The following HSP90AA1 variants were observed in gnomAD, a reference collection of about 807,000 sequenced individuals.
The protein encoded by HSP90AA1 is heat shock protein HSP 90-alpha.
HSP90AA1 carries 18 observed loss-of-function variants against 73.3 expected under a neutral mutation model. The ratio of observed to expected loss-of-function variants is 0.25; its 90% CI spans 0.17 to 0.36. The LOEUF (loss-of-function observed/expected upper bound fraction) is 0.36, where lower values mean the gene tolerates loss of function less well. Ranked by LOEUF, HSP90AA1 falls within the 10% of genes least tolerant of loss-of-function variation. HSP90AA1 has a pLI of 1.00. For synonymous variants in HSP90AA1, 477 were observed against 296.9 expected (o/e 1.61, Z -6.24); for missense variants, 704 against 874.2 (o/e 0.81, Z 2.45).
chr14:102,133,281 A>G (rs1470225854), intron 1 of HSP90AA1, among the ~76,000 whole-genome samples: 1 of 151,938 alleles, frequency 6.6e-6, no homozygotes, highest in Non-Finnish European at 1.5e-5. Context: ...ACTCCATCAC[A>G]AAACAAAACA....
chr14:102,128,841 T>G (rs542638917), intron 1 of HSP90AA1, among the ~76,000 whole-genome samples: 1 of 151,192 alleles, frequency 6.6e-6, no homozygotes, highest in South Asian at 2.1e-4. Context: ...TACTTCTTCT[T>G]TTAACCTAGA....
upstream of HSP90AA1, among the ~76,000 whole-genome samples, chr14:102,088,820 C>T (rs979706040): frequency 6.6e-6 from 1 of 152,184 alleles, no homozygotes; most frequent in African/African-American, 2.4e-5. Flanking sequence ...GGAACTTTTC[C>T]TACCGCAGTT....
At chr14:102,109,287 G>A (rs1252757218) in intron 1 of HSP90AA1, among the ~76,000 whole-genome samples, 1 of 152,158 alleles carries the variant, frequency 6.6e-6, no homozygotes, top group African/African-American at 2.4e-5. Flanking sequence ...TGTAACAGTA[G>A]TTCCAAGTTG....
rs555886498 is a variant in HSP90AA1, at chr14:102,122,857, G to A, written c.155+16393C>T. Among the ~76,000 whole-genome samples the A allele has an allele frequency of 1.1e-4, 16 of 150,554 alleles. No individual in the cohort carries two copies. The South Asian group carries it at 2.3e-3, about 22-fold the overall frequency. On this transcript the variant is annotated intron_variant, in intron 1 of 11. Transcript: ENST00000334701. ...TGATTTTTGTATTTTTAGTAGAGACGGGGTTTCACCACGTTGGCCAGGCTG... is the reference window on the plus strand; with the variant it reads ...TGATTTTTGTATTTTTAGTAGAGACAGGGTTTCACCACGTTGGCCAGGCTG...
chr14:102,084,347 G>A (rs898950083), intron 6 of HSP90AA1, 52 bp downstream of exon 6: 4 of 1,555,474 alleles, frequency 2.6e-6, no homozygotes, highest in Admixed American at 3.4e-5. Flanking sequence ...TGCCCACCCA[G>A]AAAGTACTTC....
intron 1 of HSP90AA1, among the ~76,000 whole-genome samples, chr14:102,103,747 T>C (rs2049526444): frequency 6.7e-6 from 1 of 150,062 alleles, no homozygotes; most frequent in Admixed American, 6.7e-5. Context: ...AAGGTTGCAG[T>C]GAGCCAAGAT....
intron 1 of HSP90AA1, among the ~76,000 whole-genome samples, chr14:102,128,115 A>T (rs1883615290): frequency 1.3e-5 from 2 of 152,136 alleles, no homozygotes; most frequent in South Asian, 4.1e-4. Context: ...TGCCCAGGAG[A>T]AACAGTAACT....
exon 2 of HSP90AA1, chr14:102,101,904 G>A (rs746791841): frequency 1.1e-4 from 185 of 1,613,994 alleles, no homozygotes; most frequent in Non-Finnish European, 1.5e-4. Context: ...AATGGCTGCA[G>A]ATCCTTGTAG....
chr14:102,116,081 A>G (rs1198034279), intron 1 of HSP90AA1, among the ~76,000 whole-genome samples: 1 of 151,574 alleles, frequency 6.6e-6, no homozygotes, highest in Non-Finnish European at 1.5e-5. Context: ...CCTCCTAAGT[A>G]GTTGAGACTA....
At position 102,103,809 on chromosome 14, in the gene HSP90AA1, CA is replaced by C. The variant is rs200871890; in HGVS notation, c.156-1725del. 0.013 allele frequency among the ~76,000 whole-genome samples: 1,362 copies of C among 106,748 alleles called. 61 individuals carry two copies. The East Asian group carries it at 0.19, about 15-fold the overall frequency. The allele number at this position is 106,748 out of a possible 152,430, so 70.0% of individuals were successfully genotyped here. A position where few individuals can be genotyped will look rare whatever the true frequency, so the allele number is the denominator to read the frequency against. On this transcript the variant is annotated intron_variant, in intron 1 of 11. Coordinates refer to the HSP90AA1 transcript ENST00000334701. ...ACAAAAGCAAAACTCCGTCTCAAAA[CA>C]AAAAAAAAAAAACAAAAACCCATCT...
At chr14:102,086,867 G>C (rs2049253650) in intron 1 of HSP90AA1, 119 bp downstream of exon 1, 1 of 509,976 alleles carries the variant, frequency 2.0e-6, no homozygotes, top group Non-Finnish European at 2.5e-6. Flanking sequence ...GGCCGCCCGG[G>C]AGCGCGGCCC....
chr14:102,133,749 C>T (rs1566738289), intron 1 of HSP90AA1, among the ~76,000 whole-genome samples: 1 of 152,110 alleles, frequency 6.6e-6, no homozygotes, highest in Non-Finnish European at 1.5e-5. Context: ...TCCCAAAGTG[C>T]TGGGATTACA....
chr14:102,107,123 G>A (rs1307294632), intron 1 of HSP90AA1, among the ~76,000 whole-genome samples: 9 of 151,988 alleles, frequency 5.9e-5, no homozygotes, highest in Non-Finnish European at 1.3e-4. Flanking sequence ...TGTTGTCAAT[G>A]ACAATAATTT....
chr14:102,085,157 G>T (rs566769589), intron 4 of HSP90AA1, 141 bp downstream of exon 4: 3 of 1,453,642 alleles, frequency 2.1e-6, no homozygotes, highest in African/African-American at 2.8e-5. Flanking sequence ...ATAGCCCGAG[G>T]AACTTTTACA....
intron 2 of HSP90AA1, among the ~76,000 whole-genome samples, chr14:102,094,386 T>C (rs1054456739): frequency 7.9e-5 from 12 of 152,248 alleles, no homozygotes; most frequent in East Asian, 3.9e-4. Flanking sequence ...GGGAGCAAAA[T>C]TGGGTCCTGA....
chr14:102,083,970 C>G lies in HSP90AA1; in HGVS notation c.1161G>C (p.Gly387=), dbSNP rs748655299. The change falls in exon 7 of 11, where the codon GGG becomes GGC. Residue 387 remains glycine (G), a synonymous_variant. Coordinates refer to ENST00000216281, the MANE Select transcript of HSP90AA1 (RefSeq NM_005348.4). ...LIPEYLNFIR[G]VVDSEDLPLN... ...GAGGGAGATCCTCCGAGTCTACCAC[C>G]CCTCTAATGAAGTCTGAAAAAAATA... The G allele has an allele frequency of 1.9e-5, 30 of 1,613,678 alleles. No individual in the cohort carries two copies. The highest frequency in any genetic ancestry group is 3.3e-4 in the Middle Eastern group (2 of 6,062).
chr14:102,127,498 C>T (rs773591791), intron 1 of HSP90AA1, among the ~76,000 whole-genome samples: 7 of 152,112 alleles, frequency 4.6e-5, no homozygotes, highest in Non-Finnish European at 8.8e-5. Flanking sequence ...TGGTTTGGAA[C>T]CCACATTTCA....
intron 1 of HSP90AA1, among the ~76,000 whole-genome samples, chr14:102,133,711 G>C (rs1489447731): frequency 1.3e-5 from 2 of 152,024 alleles, no homozygotes; most frequent in African/African-American, 4.8e-5. Context: ...TCGAACTCCT[G>C]ACCTCAGATG....
upstream of HSP90AA1, among the ~76,000 whole-genome samples, chr14:102,088,798 T>C (rs2049309062): frequency 6.6e-6 from 1 of 152,206 alleles, no homozygotes; most frequent in Admixed American, 6.5e-5. Context: ...GTCCCCGCTC[T>C]CCTCACTTGT....
Sources: allele counts gnomAD v4.1 joint callset (sites outside exome capture counted in the v4.1 genomes callset), GRCh38; gene constraint gnomAD v4.1.1; transcripts MANE v1.5; gene names NCBI Gene and HGNC (gene_info 2026-07-23, HGNC 2026-07-21).